RIMOC1: variants seen among roughly 807,000 people sequenced by gnomAD.
RIMOC1 encodes RAB7A interacting MON1-CCZ1 complex subunit 1, also known as RAB7A-interacting MON1-CCZ1 complex subunit 1.
chr5:41,920,523 A>G, the RIMOC1 span: 1 of 152,044 alleles, frequency 6.6e-6, no homozygotes, highest in African/African-American at 2.4e-5. Flanking sequence ...CTAGTGGAGG[A>G]AGTTAGACAA....
chr5:41,919,496 A>G, the RIMOC1 span: 1 of 152,198 alleles, frequency 6.6e-6, no homozygotes, highest in Non-Finnish European at 1.5e-5. Context: ...TTAACTTAGC[A>G]TTTTAGCAAG....
the RIMOC1 span, among the ~76,000 whole-genome samples, chr5:41,916,761 T>G: frequency 1.3e-5 from 2 of 152,158 alleles, no homozygotes; most frequent in East Asian, 3.8e-4. Context: ...CAAAAACACC[T>G]AAATGGTTCT....
At chr5:41,904,465 A>G in the RIMOC1 span, 2 of 1,613,774 alleles carry the variant, frequency 1.2e-6, no homozygotes, top group Non-Finnish European at 1.7e-6. Flanking sequence ...GCCGGTGAAG[A>G]TGGTGAGGGA....
chr5:41,907,635 T>G, the RIMOC1 span: 1 of 659,490 alleles, frequency 1.5e-6, no homozygotes, highest in Non-Finnish European at 2.6e-6. Flanking sequence ...TGTCATAATA[T>G]TATTTCATCT....
At chr5:41,912,529 C>T in the RIMOC1 span, among the ~76,000 whole-genome samples, 1 of 152,152 alleles carries the variant, frequency 6.6e-6, no homozygotes, top group Non-Finnish European at 1.5e-5. Context: ...AATTGACTCT[C>T]AGTTCCACAT....
At chr5:41,906,161 T>C in the RIMOC1 span, among the ~76,000 whole-genome samples, 1 of 152,244 alleles carries the variant, frequency 6.6e-6, no homozygotes, top group Non-Finnish European at 1.5e-5. Flanking sequence ...CCAGACATTA[T>C]TTCATCTAAG....
chr5:41,914,298 C>G, the RIMOC1 span, among the ~76,000 whole-genome samples: 1 of 152,002 alleles, frequency 6.6e-6, no homozygotes, highest in African/African-American at 2.4e-5. Flanking sequence ...GTATAGGCAC[C>G]ATAGCAGTTT....
the RIMOC1 span, chr5:41,904,518 C>T: frequency 4.5e-6 from 7 of 1,543,242 alleles, no homozygotes; most frequent in African/African-American, 4.1e-5. Context: ...CGCTAAGGTA[C>T]TGGCGCTCGA....
At chr5:41,908,860 A>C in the RIMOC1 span, among the ~76,000 whole-genome samples, 9 of 152,266 alleles carry the variant, frequency 5.9e-5, 2 homozygotes, top group Admixed American at 5.9e-4. Context: ...ATCACCTTTC[A>C]TATGATGATG....
At chr5:41,906,252 A>T in the RIMOC1 span, among the ~76,000 whole-genome samples, 1 of 152,328 alleles carries the variant, frequency 6.6e-6, no homozygotes, top group East Asian at 1.9e-4. Context: ...CTATGGAAGT[A>T]CGTCATGAGG....
chr5:41,905,863 G>C, the RIMOC1 span, among the ~76,000 whole-genome samples: 2 of 152,138 alleles, frequency 1.3e-5, no homozygotes, highest in African/African-American at 4.8e-5. Flanking sequence ...TTGTTTGAAG[G>C]CTTTATACTT....
chr5:41,909,468 A>G, the RIMOC1 span, among the ~76,000 whole-genome samples: 1 of 152,126 alleles, frequency 6.6e-6, no homozygotes, highest in South Asian at 2.1e-4. Flanking sequence ...TATATGATTA[A>G]ATTCTGTAAA....
the RIMOC1 span, chr5:41,904,457 C>T: frequency 6.2e-7 from 1 of 1,613,892 alleles, no homozygotes; most frequent in East Asian, 2.2e-5. Context: ...GCGAAGCTGC[C>T]GGTGAAGATG....
At chr5:41,917,709 C>G in the RIMOC1 span, 4 of 953,144 alleles carry the variant, frequency 4.2e-6, no homozygotes, top group Non-Finnish European at 5.0e-6. Context: ...AAATTAAAGT[C>G]AAGTTACTTC....
the RIMOC1 span, chr5:41,918,101 A>T: frequency 2.0e-6 from 2 of 985,710 alleles, no homozygotes; most frequent in Non-Finnish European, 1.2e-6. Context: ...AGAGAGCCTA[A>T]CTTGATATCT....
chr5:41,904,559 G>A, the RIMOC1 span: 4 of 1,224,844 alleles, frequency 3.3e-6, no homozygotes, highest in Non-Finnish European at 4.7e-6. Flanking sequence ...TGAGGCCTGT[G>A]TTCCTTTGGG....
the RIMOC1 span, chr5:41,911,240 CTT>C: frequency 1.3e-6 from 2 of 1,497,280 alleles, no homozygotes; most frequent in East Asian, 4.6e-5. Flanking sequence ...AAAAAGCTGT[CTT>C]TGTTGTACTA....
At chr5:41,906,139 G>C in the RIMOC1 span, among the ~76,000 whole-genome samples, 2 of 152,174 alleles carry the variant, frequency 1.3e-5, no homozygotes, top group African/African-American at 2.4e-5. Flanking sequence ...CTTCAGATTA[G>C]ATGAGATACA....
At chr5:41,909,624 A>G in the RIMOC1 span, 5 of 543,886 alleles carry the variant, frequency 9.2e-6, no homozygotes, top group Non-Finnish European at 1.2e-5. Context: ...TCAAATTTAC[A>G]TACTGAGCTA....
Sources: allele counts gnomAD v4.1 joint callset (sites outside exome capture counted in the v4.1 genomes callset), GRCh38; gene constraint gnomAD v4.1.1; transcripts MANE v1.5; gene names NCBI Gene and HGNC (gene_info 2026-07-23, HGNC 2026-07-21).